Variants in PUM2 observed in about 807,000 individuals in gnomAD.
The protein encoded by PUM2 is pumilio RNA binding family member 2, also known as pumilio homolog 2.
PUM2 carries 57 observed loss-of-function variants against 124.5 expected under a neutral mutation model. That is an observed-to-expected ratio of 0.46 (90% CI 0.37 to 0.57). The LOEUF (loss-of-function observed/expected upper bound fraction) is 0.57. PUM2 is among the 20% of genes least tolerant of loss of function. The pLI, the probability that PUM2 is intolerant of heterozygous loss-of-function variation, is 0.00. For synonymous variants in PUM2, 460 were observed against 446.1 expected, an observed-to-expected ratio of 1.03 and a Z score of -0.39; for missense variants, 1,065 against 1,290.6, an observed-to-expected ratio of 0.83 and a Z score of 2.68.
intron 3 of PUM2, among the ~76,000 whole-genome samples, chr2:20,316,686 A>G (rs1681022997): frequency 6.6e-6 from 1 of 151,994 alleles, no homozygotes; most frequent in African/African-American, 2.4e-5. Flanking sequence ...AAGTTCCGAG[A>G]CCAGCCTGGG....
At chr2:20,254,108 T>TA in intron 19 of PUM2, 94 bp from the exon 20 acceptor site, 1 of 1,084,482 alleles carries the variant, frequency 9.2e-7, no homozygotes, top group South Asian at 1.6e-5. Context: ...CAATGAACAA[T>TA]AAAACAGAAG....
intron 14 of PUM2, among the ~76,000 whole-genome samples, chr2:20,261,394 CAAAAAAAAAAAA>C (rs200294801): frequency 0.013 from 985 of 76,768 alleles, 29 homozygotes; most frequent in Non-Finnish European, 0.016. Context: ...ACTCTGTCTC[CAAAAAAAAAAAA>C]AAAAAAAAAA....
intron 7 of PUM2, among the ~76,000 whole-genome samples, chr2:20,298,575 T>A (rs973341734): frequency 6.6e-6 from 1 of 151,958 alleles, no homozygotes; most frequent in Non-Finnish European, 1.5e-5. Context: ...CAAAAATAAA[T>A]AAAAAATAAT....
intron 2 of PUM2, among the ~76,000 whole-genome samples, chr2:20,321,998 A>G (rs1174272577): frequency 6.6e-6 from 1 of 152,174 alleles, no homozygotes. Flanking sequence ...AAAATAAAAT[A>G]AACTCCCACT....
At chr2:20,314,838 C>T (rs1680492068) in intron 3 of PUM2, among the ~76,000 whole-genome samples, 1 of 151,952 alleles carries the variant, frequency 6.6e-6, no homozygotes, top group African/African-American at 2.4e-5. Context: ...CACAGTTTGT[C>T]CTCAAGAGTA....
chr2:20,309,247 T>A (rs1310002944), intron 5 of PUM2, among the ~76,000 whole-genome samples: 1 of 152,150 alleles, frequency 6.6e-6, no homozygotes, highest in African/African-American at 2.4e-5. Context: ...ACTTAAGAGA[T>A]GACCTTTTGA....
chr2:20,290,771 C>A lies in PUM2; in HGVS notation c.1172G>T (p.Gly391Val), dbSNP rs1307334696. 3.1e-6 allele frequency: 5 copies of A among 1,607,114 alleles called. No homozygotes were observed. Among genetic ancestry groups the A allele is most frequent in the Non-Finnish European group, 4.2e-6 (5 of 1,178,012 alleles). ...CTGATTGGGAGTAAGAGGACGCTGA[C>A]CTGCTCCAGCACGGAGAACCTACAA... ...GQQQVLRAGAGQRPLTPNQGQ... is the reference protein window; with the variant it reads ...GQQQVLRAGAVQRPLTPNQGQ... The change falls in exon 10 of 21, where the codon GGT (glycine) becomes GTT (valine). Residue 391 changes from glycine to valine, a missense_variant. This residue lies in a region of PUM2 where 968 missense variants were observed against 1,159.8 expected (regional missense o/e 0.83). Transcript: ENST00000361078.
intron 7 of PUM2, among the ~76,000 whole-genome samples, chr2:20,306,709 A>C (rs923282439): frequency 2.0e-5 from 3 of 151,044 alleles, no homozygotes; most frequent in Admixed American, 1.3e-4. Context: ...CCCAGGTTCA[A>C]GCGATTCTCT....
At chr2:20,321,242 G>A (rs1047937897) in intron 2 of PUM2, among the ~76,000 whole-genome samples, 3 of 152,010 alleles carry the variant, frequency 2.0e-5, no homozygotes, top group African/African-American at 4.8e-5. Flanking sequence ...AGCCGAGATC[G>A]TGCCACTGCA....
chr2:20,281,113 G>A (rs974444120), intron 12 of PUM2, among the ~76,000 whole-genome samples: 3 of 152,050 alleles, frequency 2.0e-5, no homozygotes, highest in Non-Finnish European at 2.9e-5. Flanking sequence ...CATATATATA[G>A]CACTTGAAAA....
At chr2:20,294,680 C>G (rs1380906090) in intron 8 of PUM2, among the ~76,000 whole-genome samples, 162 bp from the exon 9 acceptor site, 1 of 152,156 alleles carries the variant, frequency 6.6e-6, no homozygotes, top group Admixed American at 6.5e-5. Context: ...CAGCAATGGT[C>G]TTAAAGGGAA....
rs773939922 is a variant in PUM2, at chr2:20,294,541, G to A, written c.1010-23C>T. On this transcript the variant is annotated intron_variant, in intron 8 of 20. Coordinates refer to ENST00000361078, the MANE Select transcript of PUM2 (RefSeq NM_015317.5). ...GACCTAAACCCCACACCCGACCCCC[G>A]AATAAAAAGTTACTAGATTTTACAT... 68 of 1,565,370 alleles carry A rather than the reference G, an allele frequency of 4.3e-5. No individual in the cohort carries two copies. The Middle Eastern group carries it at 6.8e-4, about 16-fold the overall frequency.
chr2:20,321,992 T>A (rs537602221), intron 2 of PUM2, among the ~76,000 whole-genome samples: 57 of 151,412 alleles, frequency 3.8e-4, no homozygotes, highest in African/African-American at 8.2e-4. Context: ...AAAAAAAAAA[T>A]AAAATAAACT....
Position 20,312,404 on chromosome 2 carries a change from A to C in PUM2, c.180T>G (p.Pro60=), listed in dbSNP as rs755378492. The change falls in exon 4 of 21, where the codon CCT becomes CCG. Residue 60 remains proline (P), a synonymous_variant. Transcript: ENST00000361078. ...GTCCAGATCTTCTCTGTACCATAAT[A>C]GGCTGGGACATTGAATGGTCTGTTT... ...WGASHHSMSQ[P]IMVQRRSGQG... 4 of 1,613,344 alleles carry C rather than the reference A, an allele frequency of 2.5e-6. No homozygotes were observed. The highest frequency in any genetic ancestry group is 3.4e-6 in the Non-Finnish European group (4 of 1,179,690).
intron 13 of PUM2, among the ~76,000 whole-genome samples, chr2:20,275,996 T>C (rs1405390757): frequency 2.0e-5 from 3 of 151,992 alleles, no homozygotes; most frequent in African/African-American, 4.8e-5. Context: ...ATGTATGATA[T>C]ACTGTAGTTA....
chr2:20,267,330 G>A (rs1369439614), intron 13 of PUM2, among the ~76,000 whole-genome samples: 1 of 151,986 alleles, frequency 6.6e-6, no homozygotes, highest in East Asian at 1.9e-4. Context: ...TGGCCCACTT[G>A]CAACTTCCTT....
intron 2 of PUM2, among the ~76,000 whole-genome samples, chr2:20,322,827 AAAAC>A: frequency 6.6e-6 from 1 of 152,236 alleles, no homozygotes; most frequent in African/African-American, 2.4e-5. Context: ...AAAAACAAAC[AAAAC>A]AAACAACAAC....
At chr2:20,300,243 G>A (rs962116186) in intron 7 of PUM2, among the ~76,000 whole-genome samples, 1 of 151,852 alleles carries the variant, frequency 6.6e-6, no homozygotes, top group Admixed American at 6.6e-5. Context: ...TCCGCCTCCC[G>A]GGTTCCAGTG....
chr2:20,291,233 G>T (rs1228737326), intron 9 of PUM2, among the ~76,000 whole-genome samples: 3 of 152,178 alleles, frequency 2.0e-5, no homozygotes, highest in Non-Finnish European at 4.4e-5. Flanking sequence ...GCCACCTTGT[G>T]GAAGACATTT....
Sources: allele counts gnomAD v4.1 joint callset (sites outside exome capture counted in the v4.1 genomes callset), GRCh38; gene constraint gnomAD v4.1.1; regional missense constraint gnomAD v4.1.1; transcripts MANE v1.5; gene names NCBI Gene and HGNC (gene_info 2026-07-23, HGNC 2026-07-21).